The following C1orf54 variants were observed in gnomAD, a reference collection of about 807,000 sequenced individuals.
The protein encoded by C1orf54 is chromosome 1 open reading frame 54.
A neutral mutation model predicts 14.7 loss-of-function variants in C1orf54; 12 were observed. The ratio of observed to expected loss-of-function variants is 0.82; its 90% CI spans 0.52 to 1.32. The LOEUF (loss-of-function observed/expected upper bound fraction) is 1.32, where lower values mean the gene tolerates loss of function less well. Among genes scored for constraint, C1orf54 ranks in the 40% most tolerant of loss-of-function variants. The pLI, the probability that C1orf54 is intolerant of heterozygous loss-of-function variation, is 0.00. For missense variants in C1orf54, 163 were observed against 162.2 expected, an observed-to-expected ratio of 1.00 and a Z score of -0.03; for synonymous variants, 65 against 56.3, an observed-to-expected ratio of 1.16 and a Z score of -0.70.
intron 2 of C1orf54, 134 bp downstream of exon 2, chr1:150,274,304 C>T (rs1652452919): frequency 1.5e-6 from 1 of 647,024 alleles, no homozygotes. Flanking sequence ...CAAAACCTAT[C>T]AAGACTCATG....
At chr1:150,277,495 T>A in intron 4 of C1orf54, among the ~76,000 whole-genome samples, 1 of 18,306 alleles carries the variant, frequency 5.5e-5, no homozygotes, top group Non-Finnish European at 1.1e-4. Context: ...AGAGTGAGAC[T>A]CTATACTAAA....
intron 5 of C1orf54, among the ~76,000 whole-genome samples, chr1:150,280,049 G>A (rs1359217785): frequency 6.6e-6 from 1 of 152,092 alleles, no homozygotes; most frequent in Non-Finnish European, 1.5e-5. Context: ...TCCTCTACAA[G>A]ACGTTAAAAA....
upstream of C1orf54, chr1:150,269,036 GC>G (rs1447226387): frequency 3.9e-5 from 19 of 490,706 alleles, 1 homozygote; most frequent in Admixed American, 6.3e-4. Context: ...CCCGGCCGCA[GC>G]CCCACGGCCA....
chr1:150,276,444 A>C (rs1652661173), intron 3 of C1orf54, 78 bp from the exon 4 acceptor site: 1 of 1,198,902 alleles, frequency 8.3e-7, no homozygotes, highest in East Asian at 2.3e-5. Context: ...GAAGGGGAGA[A>C]CTTTAAGTAG....
chr1:150,275,838 A>C, intron 3 of C1orf54, 39 bp downstream of exon 3: 1 of 1,563,086 alleles, frequency 6.4e-7, no homozygotes, highest in Non-Finnish European at 8.8e-7. Flanking sequence ...AGGATAAGTA[A>C]CAATTAAAAA....
In C1orf54 at chr1:150,276,533, T is replaced by A. The variant is rs375719934; in HGVS notation, c.201T>A (p.Asp67Glu). Residue 67 changes from aspartate to glutamate, a missense_variant, in exon 4 of 6, where the codon GAT becomes GAA. By Grantham distance (45) the Asp-to-Glu change is conservative. Transcript: ENST00000369099. ...CCTACTGAGGGTAGAACAGGTTGGA[T>A]AAGGACATAACAGAAGCAATAGAGA... is the stretch of plus-strand genomic sequence containing the variant. ...FESEDRLNRL[D>E]KDITEAIETT... is the part of the protein sequence containing the mutation. 7 of 1,613,720 alleles carry A rather than the reference T, an allele frequency of 4.3e-6. No homozygotes were observed. The highest frequency in any genetic ancestry group is 5.9e-6 in the Non-Finnish European group (7 of 1,179,728).
At chr1:150,278,178 C>T (rs2101879521) in intron 4 of C1orf54, among the ~76,000 whole-genome samples, 1 of 152,216 alleles carries the variant, frequency 6.6e-6, no homozygotes, top group South Asian at 2.1e-4. Flanking sequence ...ATGAGATTTG[C>T]GTTGTTCCAG....
Position 150,274,102 on chromosome 1 carries a change from A to G in C1orf54, c.62A>G (p.Asp21Gly). Residue 21 changes from aspartate (D) to glycine (G), a missense_variant, in exon 2 of 6, where the codon GAT becomes GGT. Transcript: ENST00000369099. Reference sequence around the variant, plus strand: ...GTCCCCATAGGACAAGAATATGAGGATGAAGAAAGACTGGGAGAGGATGAA... The same window carrying G: ...GTCCCCATAGGACAAGAATATGAGGGTGAAGAAAGACTGGGAGAGGATGAA... ...VPLILGQEYE[D>G]EERLGEDEYY... The G allele has an allele frequency of 6.2e-7, 1 of 1,612,014 alleles. No individual in the cohort carries two copies. Among genetic ancestry groups the G allele is most frequent in the Non-Finnish European group, 8.5e-7 (1 of 1,178,110 alleles).
At chr1:150,277,502 TAAAAA>T (rs71083896) in intron 4 of C1orf54, among the ~76,000 whole-genome samples, 33 of 41,332 alleles carry the variant, frequency 8.0e-4, no homozygotes, top group Non-Finnish European at 1.4e-3. Context: ...GACTCTATAC[TAAAAA>T]AAAAAAAAAA....
upstream of C1orf54, among the ~76,000 whole-genome samples, chr1:150,270,882 G>A (rs2101862321): frequency 6.7e-6 from 1 of 148,938 alleles, no homozygotes; most frequent in East Asian, 2.1e-4. Flanking sequence ...TGTAGTCCCA[G>A]CTACTCAGGA....
upstream of C1orf54, chr1:150,272,497 T>C (rs1243323065): frequency 1.9e-5 from 5 of 266,714 alleles, no homozygotes; most frequent in African/African-American, 8.9e-5. Context: ...GGGAAACTTC[T>C]TGGTAGGCTT....
Position 150,273,949 on chromosome 1 carries a change from T to G in C1orf54, c.47-138T>G, listed in dbSNP as rs868933316. ...GAGGTGCACAGGCAAGAAAGGAGTATGACTATTGGAGGAGAGAGAGAGAGA... is the reference window on the plus strand; with the variant it reads ...GAGGTGCACAGGCAAGAAAGGAGTAGGACTATTGGAGGAGAGAGAGAGAGA... On this transcript the variant is annotated intron_variant, in intron 1 of 5. Transcript: ENST00000369099. The G allele has an allele frequency of 6.9e-5, 45 of 649,700 alleles. No homozygotes were observed. In the African/African-American group the frequency reaches 7.6e-4, roughly 11 times the overall value. The allele number at this position is 649,700 out of a possible 1,614,324, so 40.2% of individuals were successfully genotyped here.
At position 150,276,505 on chromosome 1, in the gene C1orf54, A is replaced by C. The variant is rs781975228; in HGVS notation, c.190-17A>C. The stretch of plus-strand genomic sequence containing the variant: ...AAAACTGATAACTCTGTGTTTCCCA[A>C]ATCCTACTGAGGGTAGAACAGGTTG... On this transcript the variant is annotated splice_polypyrimidine_tract_variant and intron_variant, in intron 3 of 5. Transcript: ENST00000369099. 1 of 1,597,156 alleles carries C rather than the reference A, an allele frequency of 6.3e-7. No individual in the cohort carries two copies. The highest frequency in any genetic ancestry group is 8.6e-7 in the Non-Finnish European group (1 of 1,164,792).
At chr1:150,270,550 C>T (rs1408301413), upstream of C1orf54, among the ~76,000 whole-genome samples, 3 of 148,840 alleles carry the variant, frequency 2.0e-5, no homozygotes, top group African/African-American at 7.4e-5. Flanking sequence ...GGCTGAGCCA[C>T]GAGAATAGCT....
chr1:150,276,626 G>A lies in C1orf54; in HGVS notation c.294G>A (p.Thr98=), dbSNP rs141645512. 3.2e-4 allele frequency: 513 copies of A among 1,613,038 alleles called. No homozygotes were observed. The highest frequency in any genetic ancestry group is 4.1e-4 in the Non-Finnish European group (480 of 1,179,096). Residue 98 remains threonine, a synonymous_variant, in exon 4 of 6, where the codon ACG becomes ACA. Coordinates refer to ENST00000369099, the MANE Select transcript of C1orf54 (RefSeq NM_024579.4). ...CTGTAACTGTGAAACCAGTAACAAC[G>A]GAACCTGTGAGTTGATTGGGGATTG... ...PKPVTVKPVT[T]EPSPDLNDAV... is the part of the protein sequence containing the mutation.
intron 1 of C1orf54, among the ~76,000 whole-genome samples, chr1:150,273,735 C>T (rs1652395639): frequency 6.6e-6 from 1 of 152,184 alleles, no homozygotes; most frequent in South Asian, 2.1e-4. Context: ...CTGGAGCATA[C>T]TAAATAGAAG....
chr1:150,275,627 C>T (rs949526652), intron 2 of C1orf54, 114 bp from the exon 3 acceptor site: 95 of 749,672 alleles, frequency 1.3e-4, no homozygotes, highest in Non-Finnish European at 4.1e-5. Flanking sequence ...TGGATTATAC[C>T]AATAAATGTT....
chr1:150,275,338 A>AG (rs1553852203), intron 2 of C1orf54, among the ~76,000 whole-genome samples: 1 of 140,622 alleles, frequency 7.1e-6, no homozygotes, highest in African/African-American at 2.7e-5. Context: ...GCCCGGCCAA[A>AG]TTTTTTTTTT....
chr1:150,273,034 C>A (rs1553851620), intron 1 of C1orf54, among the ~76,000 whole-genome samples, 171 bp downstream of exon 1: 1 of 151,814 alleles, frequency 6.6e-6, no homozygotes, highest in East Asian at 1.9e-4. Context: ...GAAGGCAGAG[C>A]CAGGAAAGGG....
Sources: allele counts gnomAD v4.1 joint callset (sites outside exome capture counted in the v4.1 genomes callset), GRCh38; gene constraint gnomAD v4.1.1; transcripts MANE v1.5; gene names NCBI Gene and HGNC (gene_info 2026-07-23, HGNC 2026-07-21).